NBAS: variants seen among roughly 807,000 people sequenced by gnomAD.
NBAS encodes NBAS subunit of NRZ tethering complex.
In NBAS, 219 loss-of-function variants were observed where a neutral mutation model predicts 302.5. The observed-to-expected ratio is 0.72, with a 90% CI of 0.65 to 0.81. The LOEUF (loss-of-function observed/expected upper bound fraction) is 0.81. Ranked by LOEUF, NBAS falls within the 30% of genes least tolerant of loss-of-function variation. The pLI, the probability that NBAS is intolerant of heterozygous loss-of-function variation, is 0.00. For missense variants in NBAS, 2,932 were observed against 2,841.6 expected (o/e 1.03, Z -0.72); for synonymous variants, 1,118 against 1,021.6 (o/e 1.09, Z -1.80).
the NBAS span, among the ~76,000 whole-genome samples, chr2:14,847,561 A>C: frequency 1.3e-5 from 2 of 151,952 alleles, no homozygotes; most frequent in South Asian, 4.1e-4. Context: ...TATAATGATA[A>C]AGGGGTCAAT....
At chr2:15,386,069 C>T (rs1351970736) in intron 28 of NBAS, among the ~76,000 whole-genome samples, 1 of 152,122 alleles carries the variant, frequency 6.6e-6, no homozygotes, top group Non-Finnish European at 1.5e-5. Context: ...CAGAGAGGGC[C>T]ACTGATATGT....
the NBAS span, among the ~76,000 whole-genome samples, chr2:15,107,001 T>G: frequency 6.6e-6 from 1 of 152,000 alleles, no homozygotes; most frequent in African/African-American, 2.4e-5. Flanking sequence ...GCTTCCAGGG[T>G]CTGTTCCGCA....
chr2:15,124,966 T>C, the NBAS span, among the ~76,000 whole-genome samples: 20,792 of 151,912 alleles, frequency 0.14, 2,690 homozygotes, highest in African/African-American at 0.33. Flanking sequence ...ACACACAGAG[T>C]CCCCACCGGA....
At chr2:15,113,985 C>A in the NBAS span, among the ~76,000 whole-genome samples, 1 of 151,952 alleles carries the variant, frequency 6.6e-6, no homozygotes, top group South Asian at 2.1e-4. Flanking sequence ...CCACTATCTA[C>A]GAAATAGTTT....
intron 48 of NBAS, among the ~76,000 whole-genome samples, chr2:15,197,932 A>G (rs1665695221): frequency 6.6e-6 from 1 of 152,210 alleles, no homozygotes; most frequent in Non-Finnish European, 1.5e-5. Flanking sequence ...TTTGCATATG[A>G]TTATGCAAAT....
chr2:14,876,008 T>C, the NBAS span, among the ~76,000 whole-genome samples: 1 of 152,254 alleles, frequency 6.6e-6, no homozygotes, highest in African/African-American at 2.4e-5. Context: ...TTTTGTACAG[T>C]CACACAGGTA....
intron 40 of NBAS, among the ~76,000 whole-genome samples, chr2:15,296,990 T>A (rs1393796564): frequency 6.6e-6 from 1 of 152,248 alleles, no homozygotes; most frequent in Admixed American, 6.5e-5. Context: ...TTTTATTTCA[T>A]ATTCTTTGTA....
the NBAS span, among the ~76,000 whole-genome samples, chr2:14,834,962 T>C: frequency 6.6e-6 from 1 of 151,902 alleles, no homozygotes; most frequent in Non-Finnish European, 1.5e-5. Context: ...TGATAACAGA[T>C]TACATACAAA....
At chr2:14,779,398 G>A in the NBAS span, among the ~76,000 whole-genome samples, 2 of 152,130 alleles carry the variant, frequency 1.3e-5, no homozygotes, top group Non-Finnish European at 2.9e-5. Context: ...CCTCTGCACC[G>A]TTTGAGTGGA....
chr2:15,280,789 C>A (rs1267851827), intron 42 of NBAS, among the ~76,000 whole-genome samples: 1 of 152,128 alleles, frequency 6.6e-6, no homozygotes, highest in Non-Finnish European at 1.5e-5. Context: ...TGAACAGTGG[C>A]CTCACCATTG....
intron 6 of NBAS, among the ~76,000 whole-genome samples, chr2:15,547,664 CCAA>C (rs1256563863): frequency 6.6e-6 from 1 of 152,194 alleles, no homozygotes; most frequent in African/African-American, 2.4e-5. Flanking sequence ...CTGAATCACT[CCAA>C]CACTCTAAGC....
At chr2:15,049,354 A>G in the NBAS span, among the ~76,000 whole-genome samples, 1 of 151,918 alleles carries the variant, frequency 6.6e-6, no homozygotes, top group Non-Finnish European at 1.5e-5. Flanking sequence ...GCCTCCTCTC[A>G]TTTGTCATTG....
chr2:15,166,523 C>T (rs1664026501), downstream of NBAS, among the ~76,000 whole-genome samples: 1 of 152,158 alleles, frequency 6.6e-6, no homozygotes, highest in African/African-American at 2.4e-5. Context: ...CACACAACCC[C>T]ACATAATACT....
the NBAS span, among the ~76,000 whole-genome samples, chr2:14,984,621 A>G: frequency 2.6e-5 from 4 of 152,140 alleles, no homozygotes; most frequent in Admixed American, 2.6e-4. Context: ...CTCCAGTTCT[A>G]TTTCTAGCCC....
chr2:15,288,417 G>A (rs1157740317), intron 41 of NBAS, among the ~76,000 whole-genome samples: 1 of 152,156 alleles, frequency 6.6e-6, no homozygotes, highest in East Asian at 1.9e-4. Context: ...CAGAGGGTGG[G>A]AGGGAGAAGA....
chr2:15,353,619 A>G lies in NBAS; in HGVS notation c.4023T>C (p.Ala1341=), dbSNP rs1558263617. ...LATRQELMAF[A]LTHCPPSSIE... ...TGCTGCTAGGAGGGCAATGTGTCAAAGCAAAAGCCATGAGCTCTTGACGAG... is the reference window on the plus strand; with the variant it reads ...TGCTGCTAGGAGGGCAATGTGTCAAGGCAAAAGCCATGAGCTCTTGACGAG... Residue 1341 remains alanine (A), a synonymous_variant, in exon 34 of 52, where the codon GCT becomes GCC. Transcript: ENST00000281513. The G allele has an allele frequency of 6.2e-7, 1 of 1,614,084 alleles. No homozygotes were observed.
Position 15,167,032 on chromosome 2 carries a change from GGGCCACAGGT to G in NBAS, c.*6_*15del. 6.6e-7 allele frequency: 1 copy of G among 1,525,348 alleles called. No homozygotes were observed. Among genetic ancestry groups the G allele is most frequent in the Non-Finnish European group, 8.8e-7 (1 of 1,136,318 alleles). The allele number at this position is 1,525,348 out of a possible 1,614,324, so 94.5% of individuals were successfully genotyped here. A position where few individuals can be genotyped will look rare whatever the true frequency, so the allele number is the denominator to read the frequency against. On this transcript the variant is annotated 3_prime_UTR_variant, in exon 52 of 52. Coordinates refer to ENST00000281513, the MANE Select transcript of NBAS (RefSeq NM_015909.4). ...CAGATGCTTTTTCTGCTAAGGAGCAGGGCCACAGGTGGCCCTCACACCCAGTGCTGTGCTG... is the reference window on the plus strand; with the variant it reads ...CAGATGCTTTTTCTGCTAAGGAGCAGGGCCCTCACACCCAGTGCTGTGCTG...
the NBAS span, among the ~76,000 whole-genome samples, chr2:15,106,572 C>T: frequency 3.9e-5 from 6 of 152,110 alleles, no homozygotes; most frequent in Admixed American, 1.3e-4. Flanking sequence ...TCCACCGCTT[C>T]CAAAAACCTT....
the NBAS span, among the ~76,000 whole-genome samples, chr2:14,873,463 C>T: frequency 9.2e-5 from 14 of 152,152 alleles, no homozygotes; most frequent in African/African-American, 2.7e-4. Context: ...GTGATCCACA[C>T]GCCTTCGCCT....
Sources: allele counts gnomAD v4.1 joint callset (sites outside exome capture counted in the v4.1 genomes callset), GRCh38; gene constraint gnomAD v4.1.1; transcripts MANE v1.5; gene names NCBI Gene and HGNC (gene_info 2026-07-23, HGNC 2026-07-21).